SCARA3: variants seen among roughly 807,000 people sequenced by gnomAD.
The protein encoded by SCARA3 is scavenger receptor class A member 3.
SCARA3 carries 39 observed loss-of-function variants against 47.0 expected under a neutral mutation model. That is an observed-to-expected ratio of 0.83 (90% confidence interval 0.64 to 1.08). The LOEUF (loss-of-function observed/expected upper bound fraction) is 1.08, where lower values mean the gene tolerates loss of function less well. Among genes scored for constraint, SCARA3 ranks in the 50% least tolerant of loss-of-function variants. SCARA3 has a pLI of 0.00. For missense variants in SCARA3, 724 were observed against 792.3 expected, an observed-to-expected ratio of 0.91 and a Z score of 1.04; for synonymous variants, 356 against 334.1, an observed-to-expected ratio of 1.07 and a Z score of -0.71.
At chr8:27,718,010 T>C in the SCARA3 span, among the ~76,000 whole-genome samples, 42 of 152,272 alleles carry the variant, frequency 2.8e-4, no homozygotes, top group African/African-American at 1.0e-3. Context: ...TTAGGGATGC[T>C]TACTGTGTAC....
chr8:27,640,020 T>C (rs1801349260), intron 1 of SCARA3, among the ~76,000 whole-genome samples: 1 of 149,182 alleles, frequency 6.7e-6, no homozygotes, highest in South Asian at 2.1e-4. Context: ...GGATGGCCCG[T>C]GCTCATTGGG....
chr8:27,730,505 T>TTTA, the SCARA3 span, among the ~76,000 whole-genome samples: 1 of 150,104 alleles, frequency 6.7e-6, no homozygotes, highest in Non-Finnish European at 1.5e-5. Context: ...TTTTTTTTTT[T>TTTA]AATCGGGTCT....
Position 27,634,114 on chromosome 8 carries a change from G to A in SCARA3, c.-87G>A. 2 of 1,316,052 alleles carry A rather than the reference G, an allele frequency of 1.5e-6. No individual in the cohort carries two copies. Among genetic ancestry groups the A allele is most frequent in the Admixed American group, 3.0e-5 (1 of 33,126 alleles). 81.5% of individuals were successfully genotyped at this position (1,316,052 alleles called of 1,614,324 possible). ...GGCGGCGCCTAGGACGGCGATCCGC[G>A]CCCTGGAGGATCCGCCGGCCGCCCG... On this transcript the variant is annotated 5_prime_UTR_variant, in exon 1 of 6. Coordinates refer to ENST00000301904, the MANE Select transcript of SCARA3 (RefSeq NM_016240.3).
At chr8:27,668,559 A>AAAAAAAAAAAG (rs1239515241) in intron 5 of SCARA3, among the ~76,000 whole-genome samples, 2 of 149,774 alleles carry the variant, frequency 1.3e-5, no homozygotes, top group Non-Finnish European at 3.0e-5. Context: ...AAAAAAAAAA[A>AAAAAAAAAAAG]AAAGAAATCA....
rs557129795 is a variant in SCARA3, at chr8:27,664,182, C to T, written c.1369+4643C>T. On this transcript the variant is annotated intron_variant, in intron 5 of 5. Transcript: ENST00000301904. ...TTCCCACAGTATTTCACCTAAAATA[C>T]GTATGTGCACGACCTCTAGGGCACA... Among the ~76,000 whole-genome samples the T allele has an allele frequency of 5.3e-5, 8 of 152,278 alleles. No individual in the cohort carries two copies. The East Asian group carries it at 7.7e-4, about 15-fold the overall frequency.
the SCARA3 span, among the ~76,000 whole-genome samples, chr8:27,706,849 C>T: frequency 1.3e-5 from 2 of 152,024 alleles, no homozygotes; most frequent in African/African-American, 2.4e-5. Context: ...AAGAATCAAT[C>T]ACCCCCACAG....
At chr8:27,689,806 G>C in the SCARA3 span, among the ~76,000 whole-genome samples, 1 of 152,034 alleles carries the variant, frequency 6.6e-6, no homozygotes, top group Non-Finnish European at 1.5e-5. Context: ...CCAGAAAGGC[G>C]GTTTATGTAT....
intron 3 of SCARA3, among the ~76,000 whole-genome samples, chr8:27,654,333 T>C (rs2128919390): frequency 6.6e-6 from 1 of 152,348 alleles, no homozygotes; most frequent in Admixed American, 6.5e-5. Flanking sequence ...ATAAGTGATG[T>C]ATATGTACTA....
At chr8:27,676,667 C>A, downstream of SCARA3, 2 of 943,904 alleles carry the variant, frequency 2.1e-6, no homozygotes, top group South Asian at 1.3e-5. Context: ...GTTTACTATC[C>A]TTAATGGTAA....
intron 3 of SCARA3, among the ~76,000 whole-genome samples, chr8:27,654,343 A>G (rs1563406526): frequency 6.6e-6 from 1 of 152,218 alleles, no homozygotes; most frequent in Non-Finnish European, 1.5e-5. Context: ...TATATGTACT[A>G]TTTGCCATAT....
chr8:27,734,125 A>G, the SCARA3 span: 4 of 152,190 alleles, frequency 2.6e-5, no homozygotes, highest in African/African-American at 7.2e-5. Context: ...AAACTTCTCA[A>G]CATCTGTGTT....
At chr8:27,649,627 G>T in intron 1 of SCARA3, 75 bp from the exon 2 acceptor site, 1 of 1,383,296 alleles carries the variant, frequency 7.2e-7, no homozygotes, top group South Asian at 1.2e-5. Context: ...ATGGGATATG[G>T]GGACAGGTAA....
the SCARA3 span, among the ~76,000 whole-genome samples, chr8:27,705,887 G>A: frequency 6.6e-6 from 1 of 152,300 alleles, no homozygotes; most frequent in South Asian, 2.1e-4. Flanking sequence ...AAGATAAGTA[G>A]GAGTTCTTGC....
At chr8:27,683,873 C>T in the SCARA3 span, among the ~76,000 whole-genome samples, 11,250 of 151,412 alleles carry the variant, frequency 0.074, 474 homozygotes, top group East Asian at 0.23. Flanking sequence ...AAGAGGAGAA[C>T]GACAATAAAA....
At chr8:27,703,063 C>T in the SCARA3 span, 1 of 152,586 alleles carries the variant, frequency 6.6e-6, no homozygotes, top group Admixed American at 6.5e-5. Context: ...CTGTCGAGAA[C>T]TGGCATGGAA....
intron 1 of SCARA3, among the ~76,000 whole-genome samples, chr8:27,638,829 C>T (rs1407381543): frequency 6.6e-6 from 1 of 152,264 alleles, no homozygotes; most frequent in South Asian, 2.1e-4. Flanking sequence ...GAGTTCCCAG[C>T]GAGAGAGTTT....
At chr8:27,691,250 T>A in the SCARA3 span, among the ~76,000 whole-genome samples, 2 of 152,044 alleles carry the variant, frequency 1.3e-5, no homozygotes, top group Non-Finnish European at 1.5e-5. Context: ...GCCTAGGAAT[T>A]CATCAGTCCT....
the SCARA3 span, among the ~76,000 whole-genome samples, chr8:27,689,896 G>A: frequency 1.0e-3 from 156 of 152,306 alleles, no homozygotes; most frequent in African/African-American, 3.4e-3. Flanking sequence ...AGTTGACCCA[G>A]GAGGATTTCT....
intron 1 of SCARA3, among the ~76,000 whole-genome samples, chr8:27,642,549 A>G (rs746007530): frequency 2.0e-4 from 30 of 152,264 alleles, no homozygotes; most frequent in Admixed American, 3.3e-4. Context: ...CTGGCCAGGC[A>G]TGGTGGCTCA....
Sources: gnomAD v4.1 joint callset for allele counts (sites outside exome capture counted in the v4.1 genomes callset) on GRCh38, gnomAD v4.1.1 for gene constraint, MANE v1.5 for transcripts, NCBI Gene and HGNC (gene_info 2026-07-23, HGNC 2026-07-21) for gene names.